The following FOXJ3 variants were observed in gnomAD, a reference collection of about 807,000 sequenced individuals.
FOXJ3 encodes the protein forkhead box J3, also known as forkhead box protein J3.
FOXJ3 carries 22 observed loss-of-function variants against 76.1 expected under a neutral mutation model. The ratio of observed to expected loss-of-function variants is 0.29; its 90% CI spans 0.21 to 0.41. FOXJ3 has a LOEUF of 0.41. FOXJ3 is among the 10% of genes least tolerant of loss of function. FOXJ3 has a pLI of 1.00. For missense variants in FOXJ3, 613 were observed against 762.1 expected, an observed-to-expected ratio of 0.80 and a Z score of 2.30; for synonymous variants, 269 against 261.2, an observed-to-expected ratio of 1.03 and a Z score of -0.29.
In FOXJ3 at chr1:42,205,614, T is replaced by C. The variant is rs1646846039; in HGVS notation, c.630+148A>G. 5 of 600,204 alleles carry C rather than the reference T, an allele frequency of 8.3e-6. No homozygotes were observed. In the South Asian group the frequency reaches 1.1e-4, roughly 13 times the overall value. 37.2% of individuals were successfully genotyped at this position (600,204 alleles called of 1,614,324 possible). On this transcript the variant is annotated intron_variant, in intron 6 of 12. Transcript: ENST00000361346. ...AATTTGTGCATACCTCAAAACATTC[T>C]GAATTTAGCCTTCAAGCTACCATGC...
intron 11 of FOXJ3, 41 bp downstream of exon 11, chr1:42,188,696 T>A (rs772546331): frequency 7.4e-7 from 1 of 1,346,192 alleles, no homozygotes; most frequent in East Asian, 2.5e-5. Flanking sequence ...TTCGTACGAA[T>A]GAGAAAATGA....
At chr1:42,210,086 T>C (rs1251451355) in intron 5 of FOXJ3, among the ~76,000 whole-genome samples, 2 of 152,198 alleles carry the variant, frequency 1.3e-5, no homozygotes, top group Non-Finnish European at 2.9e-5. Flanking sequence ...GAGACCTGTG[T>C]TGCCAAGTCC....
At chr1:42,234,117 TA>T in intron 4 of FOXJ3, among the ~76,000 whole-genome samples, 1 of 152,316 alleles carries the variant, frequency 6.6e-6, no homozygotes, top group South Asian at 2.1e-4. Context: ...CTTTTTTCTC[TA>T]AACTTCTCTT....
At chr1:42,227,575 A>G (rs1389985201) in intron 5 of FOXJ3, among the ~76,000 whole-genome samples, 1 of 152,240 alleles carries the variant, frequency 6.6e-6, no homozygotes, top group Non-Finnish European at 1.5e-5. Context: ...GTTGTGTTAC[A>G]TAAAACTATT....
Position 42,227,876 on chromosome 1 carries a change from C to T in FOXJ3, c.528+7G>A. ...ATTACACTAAATTTATGATAAAGAG[C>T]CTTTACCCGTTCTACAGATCGTGCC... On this transcript the variant is annotated splice_region_variant and intron_variant, in intron 5 of 12. Transcript: ENST00000361346. The T allele has an allele frequency of 1.3e-6, 2 of 1,523,826 alleles. No homozygotes were observed. Among genetic ancestry groups the T allele is most frequent in the South Asian group, 2.5e-5 (2 of 80,624 alleles). The allele number at this position is 1,523,826 out of a possible 1,614,324, so 94.4% of individuals were successfully genotyped here. A position where few individuals can be genotyped will look rare whatever the true frequency, so the allele number is the denominator to read the frequency against.
chr1:42,209,248 A>C (rs1380394616), intron 5 of FOXJ3, among the ~76,000 whole-genome samples: 2 of 152,240 alleles, frequency 1.3e-5, no homozygotes. Flanking sequence ...TAGCATTTCT[A>C]TACACTAACA....
intron 2 of FOXJ3, among the ~76,000 whole-genome samples, chr1:42,293,751 G>A (rs1039861306): frequency 3.9e-5 from 6 of 152,046 alleles, no homozygotes; most frequent in Non-Finnish European, 4.4e-5. Flanking sequence ...AGATAGTCTC[G>A]TCTTTCCATA....
At chr1:42,309,195 G>T (rs541379620) in intron 2 of FOXJ3, among the ~76,000 whole-genome samples, 2 of 152,084 alleles carry the variant, frequency 1.3e-5, no homozygotes, top group South Asian at 2.1e-4. Context: ...TGGCAATTTT[G>T]TATCTGTCCT....
At chr1:42,197,541 C>T (rs933232103) in intron 7 of FOXJ3, among the ~76,000 whole-genome samples, 4 of 152,090 alleles carry the variant, frequency 2.6e-5, no homozygotes, top group Admixed American at 2.0e-4. Flanking sequence ...AAAATCTGCA[C>T]ATGCTCAAGT....
At chr1:42,304,703 T>A (rs1056132792) in intron 2 of FOXJ3, among the ~76,000 whole-genome samples, 1 of 152,186 alleles carries the variant, frequency 6.6e-6, no homozygotes, top group Non-Finnish European at 1.5e-5. Context: ...TGCAGAAGAA[T>A]GACATTAGAC....
intron 2 of FOXJ3, among the ~76,000 whole-genome samples, chr1:42,284,674 T>C (rs550598703): frequency 6.6e-6 from 1 of 152,342 alleles, no homozygotes; most frequent in African/African-American, 2.4e-5. Flanking sequence ...AATGTTAAGG[T>C]GTTGTCTTTC....
At chr1:42,317,105 C>T (rs1018986866) in intron 1 of FOXJ3, among the ~76,000 whole-genome samples, 1 of 152,020 alleles carries the variant, frequency 6.6e-6, no homozygotes, top group Non-Finnish European at 1.5e-5. Context: ...AAGCTATTCC[C>T]TTTTTTTGCT....
chr1:42,221,271 A>G (rs1343629618), intron 5 of FOXJ3, among the ~76,000 whole-genome samples: 1 of 152,212 alleles, frequency 6.6e-6, no homozygotes. Context: ...AAACAGCCTC[A>G]CACACAGAGA....
chr1:42,303,213 C>T (rs370308398), intron 2 of FOXJ3, among the ~76,000 whole-genome samples: 3 of 152,190 alleles, frequency 2.0e-5, no homozygotes, highest in East Asian at 1.9e-4. Flanking sequence ...TGTATGAATC[C>T]CAGCTCTATC....
At chr1:42,194,062 C>T (rs952575987) in intron 8 of FOXJ3, among the ~76,000 whole-genome samples, 5 of 152,164 alleles carry the variant, frequency 3.3e-5, no homozygotes, top group African/African-American at 1.2e-4. Flanking sequence ...ACCTCCCAAA[C>T]TGTGAGAAAT....
At chr1:42,299,934 T>C (rs890235309) in intron 2 of FOXJ3, among the ~76,000 whole-genome samples, 3 of 151,804 alleles carry the variant, frequency 2.0e-5, no homozygotes, top group African/African-American at 7.3e-5. Flanking sequence ...ACAGGCACAG[T>C]GGCTCACACC....
At chr1:42,263,861 A>ACCC (rs1245106040) in intron 4 of FOXJ3, among the ~76,000 whole-genome samples, 2 of 151,556 alleles carry the variant, frequency 1.3e-5, no homozygotes, top group African/African-American at 4.9e-5. Flanking sequence ...ACTTGCATAA[A>ACCC]TTTAGATTTT....
At chr1:42,324,233 T>G (rs1345941922) in intron 1 of FOXJ3, among the ~76,000 whole-genome samples, 2 of 70,600 alleles carry the variant, frequency 2.8e-5, no homozygotes, top group South Asian at 7.4e-4. Flanking sequence ...TCTAGGAATA[T>G]ATACACACTA....
chr1:42,273,852 C>A (rs1652054578), intron 3 of FOXJ3, among the ~76,000 whole-genome samples: 1 of 151,974 alleles, frequency 6.6e-6, no homozygotes, highest in South Asian at 2.1e-4. Flanking sequence ...ACACAAAATC[C>A]AGATTTCCCT....
Sources: allele counts gnomAD v4.1 joint callset (sites outside exome capture counted in the v4.1 genomes callset), GRCh38; gene constraint gnomAD v4.1.1; transcripts MANE v1.5; gene names NCBI Gene and HGNC (gene_info 2026-07-23, HGNC 2026-07-21).